Variants in TMEM87A observed in about 807,000 individuals in gnomAD.
The protein encoded by TMEM87A is Golgi-pH regulating cation channel.
Under a neutral mutation model 90.0 loss-of-function variants are expected in TMEM87A, and 50 were observed. The observed-to-expected ratio is 0.56, with a 90% CI of 0.44 to 0.70. TMEM87A has a LOEUF of 0.70. Ranked by LOEUF, TMEM87A falls within the 30% of genes least tolerant of loss-of-function variation. The pLI, the probability that TMEM87A is intolerant of heterozygous loss-of-function variation, is 0.00. For missense variants in TMEM87A, 577 were observed against 660.5 expected, an observed-to-expected ratio of 0.87 and a Z score of 1.39; for synonymous variants, 226 against 226.7, an observed-to-expected ratio of 1.00 and a Z score of 0.03.
In TMEM87A at chr15:42,228,838, A is replaced by C; in HGVS notation, c.1132-18T>G. On this transcript the variant is annotated intron_variant, in intron 12 of 19. Coordinates refer to ENST00000389834, the MANE Select transcript of TMEM87A (RefSeq NM_015497.5). ...ATAAATATGTGTTTGCAGGTCAAGG[A>C]ATTCAACATTCAGGAAAAAACAGTA... is the stretch of plus-strand genomic sequence containing the variant. 6.5e-7 allele frequency: 1 copy of C among 1,533,076 alleles called. No homozygotes were observed. Among genetic ancestry groups the C allele is most frequent in the Non-Finnish European group, 8.8e-7 (1 of 1,138,146 alleles). The allele number at this position is 1,533,076 out of a possible 1,614,324, so 95.0% of individuals were successfully genotyped here.
intron 6 of TMEM87A, among the ~76,000 whole-genome samples, chr15:42,259,286 C>T (rs1419807467): frequency 6.6e-6 from 1 of 152,108 alleles, no homozygotes; most frequent in African/African-American, 2.4e-5. Flanking sequence ...CCACACCTGC[C>T]TAATTTTTGT....
intron 2 of TMEM87A, chr15:42,271,538 G>A (rs879712267): frequency 6.6e-6 from 1 of 152,080 alleles, no homozygotes; most frequent in Non-Finnish European, 1.5e-5. Context: ...CCTATGTTTA[G>A]ATATACAAAA....
chr15:42,255,692 T>C (rs530048606), intron 6 of TMEM87A, among the ~76,000 whole-genome samples: 1 of 152,278 alleles, frequency 6.6e-6, no homozygotes, highest in South Asian at 2.1e-4. Context: ...TTAATCAAAA[T>C]ATTAAAGTGT....
chr15:42,261,825 A>T (rs2051299023), intron 4 of TMEM87A, among the ~76,000 whole-genome samples: 1 of 151,974 alleles, frequency 6.6e-6, no homozygotes, highest in South Asian at 2.1e-4. Flanking sequence ...TAGTAGAGAC[A>T]GGGTTTCACC....
intron 2 of TMEM87A, 27 bp from the exon 3 acceptor site, chr15:42,268,059 A>G (rs749604762): frequency 6.3e-7 from 1 of 1,584,750 alleles, no homozygotes; most frequent in African/African-American, 1.3e-5. Flanking sequence ...CTTTGTTAAC[A>G]AAAGATAATT....
At chr15:42,251,049 C>A (rs2140963345) in intron 6 of TMEM87A, among the ~76,000 whole-genome samples, 1 of 152,268 alleles carries the variant, frequency 6.6e-6, no homozygotes, top group Non-Finnish European at 1.5e-5. Context: ...GAAGCTTGTG[C>A]ATGCATCACA....
chr15:42,268,787 CT>C (rs1226222993), intron 2 of TMEM87A, among the ~76,000 whole-genome samples: 1 of 152,154 alleles, frequency 6.6e-6, no homozygotes, highest in African/African-American at 2.4e-5. Flanking sequence ...CTTCAAAAGG[CT>C]AGTTGAAGAG....
intron 15 of TMEM87A, 152 bp downstream of exon 15, chr15:42,226,654 G>A (rs952667946): frequency 3.0e-6 from 2 of 672,792 alleles, no homozygotes; most frequent in Non-Finnish European, 5.2e-6. Flanking sequence ...AAGTTAAGAG[G>A]AGAGCTGAGA....
Position 42,258,917 on chromosome 15 carries a change from A to C in TMEM87A, c.504+2041T>G. On this transcript the variant is annotated intron_variant, in intron 6 of 19. Transcript: ENST00000389834. ...ACACTGGCAAAAACTATCAAAATCA[A>C]CTTTTGGAACTTTGGAAATTATTAA... 3.1e-6 allele frequency: 4 copies of C among 1,305,712 alleles called. 1 individual carries two copies. In the South Asian group the frequency reaches 5.1e-5, roughly 17 times the overall value. The allele number at this position is 1,305,712 out of a possible 1,614,324, so 80.9% of individuals were successfully genotyped here.
intron 6 of TMEM87A, chr15:42,258,461 T>C (rs1437680392): frequency 3.6e-6 from 2 of 555,780 alleles, no homozygotes; most frequent in Non-Finnish European, 4.6e-6. Context: ...GGAATCTCAC[T>C]GGCTGCCCAG....
chr15:42,268,044 G>T lies in TMEM87A; in HGVS notation c.206-12C>A. ...AGGTTCTCCATCAACTACAAAAGAA[G>T]AAATCTTTGTTAACAAAAGATAATT... is the stretch of plus-strand genomic sequence containing the variant. On this transcript the variant is annotated splice_polypyrimidine_tract_variant and intron_variant, in intron 2 of 19. Coordinates refer to ENST00000389834, the MANE Select transcript of TMEM87A (RefSeq NM_015497.5). The T allele has an allele frequency of 6.2e-7, 1 of 1,604,458 alleles. No individual in the cohort carries two copies. The highest frequency in any genetic ancestry group is 1.1e-5 in the South Asian group (1 of 90,334).
At chr15:42,241,808 T>C (rs994514465) in intron 7 of TMEM87A, among the ~76,000 whole-genome samples, 2 of 151,700 alleles carry the variant, frequency 1.3e-5, no homozygotes, top group African/African-American at 4.8e-5. Flanking sequence ...GCCAACATGG[T>C]GAAACTAAAA....
At chr15:42,264,599 ATCT>A (rs769094240) in intron 3 of TMEM87A, among the ~76,000 whole-genome samples, 177 of 151,592 alleles carry the variant, frequency 1.2e-3, no homozygotes, top group Middle Eastern at 3.4e-3. Context: ...AACTAGGATA[ATCT>A]TCTTAAAAAT....
At chr15:42,231,147 G>T in intron 12 of TMEM87A, 45 bp downstream of exon 12, 2 of 1,464,800 alleles carry the variant, frequency 1.4e-6, no homozygotes, top group Admixed American at 2.1e-5. Context: ...CCCATCTCAA[G>T]GGGAGAAAAT....
chr15:42,241,489 T>C (rs1029484384), intron 7 of TMEM87A, among the ~76,000 whole-genome samples: 4 of 152,172 alleles, frequency 2.6e-5, no homozygotes, highest in Non-Finnish European at 5.9e-5. Flanking sequence ...TAATACCATA[T>C]AGTAGTGGTG....
intron 16 of TMEM87A, 96 bp downstream of exon 16, chr15:42,219,966 C>A (rs1334727684): frequency 3.3e-6 from 4 of 1,207,786 alleles, no homozygotes; most frequent in Non-Finnish European, 4.6e-6. Context: ...TCATCCCACA[C>A]CAAATATAGG....
chr15:42,249,158 A>G (rs1348014170), intron 6 of TMEM87A, among the ~76,000 whole-genome samples: 1 of 152,026 alleles, frequency 6.6e-6, no homozygotes, highest in Admixed American at 6.6e-5. Flanking sequence ...TATTGCATCT[A>G]TTTGATTCTT....
Position 42,236,428 on chromosome 15 carries a change from A to G in TMEM87A, c.869-9T>C. 1 of 1,613,092 alleles carries G rather than the reference A, an allele frequency of 6.2e-7. No individual in the cohort carries two copies. Among genetic ancestry groups the G allele is most frequent in the Non-Finnish European group, 8.5e-7 (1 of 1,179,102 alleles). On this transcript the variant is annotated splice_polypyrimidine_tract_variant and intron_variant, in intron 9 of 19. Coordinates refer to ENST00000389834, the MANE Select transcript of TMEM87A (RefSeq NM_015497.5). Reference sequence around the variant, plus strand: ...GATCAAAGCACCCTGGACTATGAAAAAGAAGGGAAGAAATGGCACCATAAT... The same window carrying G: ...GATCAAAGCACCCTGGACTATGAAAGAGAAGGGAAGAAATGGCACCATAAT...
At chr15:42,261,968 C>G (rs2051302670) in intron 4 of TMEM87A, among the ~76,000 whole-genome samples, 1 of 152,170 alleles carries the variant, frequency 6.6e-6, no homozygotes, top group Non-Finnish European at 1.5e-5. Context: ...GGTCTGCTGT[C>G]CCTTCCACCA....
Sources: allele counts gnomAD v4.1 joint callset (sites outside exome capture counted in the v4.1 genomes callset), GRCh38; gene constraint gnomAD v4.1.1; transcripts MANE v1.5; gene names NCBI Gene and HGNC (gene_info 2026-07-23, HGNC 2026-07-21).